Variants in SEPTIN9 observed in about 807,000 individuals in gnomAD.
SEPTIN9 encodes the protein septin-9.
In SEPTIN9, 13 loss-of-function variants were observed where a neutral mutation model predicts 56.6. The ratio of observed to expected loss-of-function variants is 0.23; its 90% confidence interval spans 0.15 to 0.37. The LOEUF (loss-of-function observed/expected upper bound fraction) is 0.37. SEPTIN9 is among the 10% of genes least tolerant of loss of function. SEPTIN9 has a pLI of 1.00. For missense variants in SEPTIN9, 650 were observed against 823.1 expected (o/e 0.79, Z 2.57); for synonymous variants, 332 against 334.1 (o/e 0.99, Z 0.07).
At chr17:77,482,462 A>G (rs758270985) in intron 4 of SEPTIN9, 127 bp downstream of exon 4, 54 of 954,260 alleles carry the variant, frequency 5.7e-5, no homozygotes, top group Non-Finnish European at 1.3e-5. Context: ...GACCTCAAGG[A>G]CGGATTGCCA....
intron 6 of SEPTIN9, 98 bp downstream of exon 6, chr17:77,488,419 G>A: frequency 8.8e-7 from 1 of 1,142,632 alleles, no homozygotes; most frequent in Non-Finnish European, 1.3e-6. Flanking sequence ...CCGCGGGGGT[G>A]CAGGGCCCAC....
chr17:77,418,075 C>T (rs1386914227), intron 3 of SEPTIN9, among the ~76,000 whole-genome samples: 4 of 152,332 alleles, frequency 2.6e-5, no homozygotes, highest in East Asian at 1.9e-4. Flanking sequence ...CAGAACCCAC[C>T]GACTCACACG....
chr17:77,347,448 T>A (rs2143787940), intron 2 of SEPTIN9, among the ~76,000 whole-genome samples: 1 of 152,228 alleles, frequency 6.6e-6, no homozygotes, highest in South Asian at 2.1e-4. Context: ...TTCTTTCAGG[T>A]TTTATATCAT....
rs1402738048 is a variant in SEPTIN9, at chr17:77,367,735, C to A, written c.77-34324C>A. Among the ~76,000 whole-genome samples, 1 of 151,936 alleles carries A rather than the reference C, an allele frequency of 6.6e-6. No homozygotes were observed. The highest frequency in any genetic ancestry group is 6.6e-5 in the Admixed American group (1 of 15,224). On this transcript the variant is annotated intron_variant, in intron 2 of 11. Transcript: ENST00000427177. The surrounding 1 kb of genome is among the most constrained non-coding windows in gnomAD (Gnocchi z 4.5). Reference sequence around the variant, plus strand: ...GGAGGCTGAGGCAGGAGAATTGCTCCGATCTGGGAGGCGGAGGTTGCAGTG... The same window carrying A: ...GGAGGCTGAGGCAGGAGAATTGCTCAGATCTGGGAGGCGGAGGTTGCAGTG...
In SEPTIN9 at chr17:77,389,062, C is replaced by T. The variant is rs1039325615; in HGVS notation, c.77-12997C>T. On this transcript the variant is annotated intron_variant, in intron 2 of 11. Coordinates refer to ENST00000427177, the MANE Select transcript of SEPTIN9 (RefSeq NM_001113491.2). The surrounding 1 kb of genome is among the most constrained non-coding windows in gnomAD (Gnocchi z 4.3). The stretch of plus-strand genomic sequence containing the variant: ...GCCTCAGAACAGACACTGACCAACA[C>T]GCTCCTCAGGGTCTCCAGGTCCGGG... Among the ~76,000 whole-genome samples, 2 of 152,086 alleles carry T rather than the reference C, an allele frequency of 1.3e-5. No individual in the cohort carries two copies. Among genetic ancestry groups the T allele is most frequent in the African/African-American group, 2.4e-5 (1 of 41,408 alleles).
At chr17:77,282,742 C>T (rs1715491) in intron 1 of SEPTIN9, among the ~76,000 whole-genome samples, 19,727 of 152,304 alleles carry the variant, frequency 0.13, 1,381 homozygotes, top group Middle Eastern at 0.17. Flanking sequence ...ACAGCTCTGT[C>T]AGGAGCGTGG....
Position 77,319,923 on chromosome 17 carries a change from C to T in SEPTIN9, c.76+12726C>T. 1 of 1,118,720 alleles carries T rather than the reference C, an allele frequency of 8.9e-7. No homozygotes were observed. Among genetic ancestry groups the T allele is most frequent in the Non-Finnish European group, 1.1e-6 (1 of 912,702 alleles). The allele number at this position is 1,118,720 out of a possible 1,614,324, so 69.3% of individuals were successfully genotyped here. A position where few individuals can be genotyped will look rare whatever the true frequency, so the allele number is the denominator to read the frequency against. On this transcript the variant is annotated intron_variant, in intron 2 of 11. Transcript: ENST00000427177. This position sits in a 1 kb window ranked among gnomAD's most constrained non-coding sequence, Gnocchi z 5.3. ...AGAGAGGAGGCTGCCGGAAGCCGCA[C>T]TCGGGACCTCTGCAGCCACCGACCA...
At chr17:77,339,357 C>T (rs969732890) in intron 2 of SEPTIN9, among the ~76,000 whole-genome samples, 1 of 152,214 alleles carries the variant, frequency 6.6e-6, no homozygotes, top group Admixed American at 6.5e-5. Flanking sequence ...TTTATCCCTT[C>T]TCCATGGGCT....
intron 2 of SEPTIN9, among the ~76,000 whole-genome samples, chr17:77,372,945 A>G (rs989249660): frequency 3.9e-5 from 6 of 152,164 alleles, no homozygotes; most frequent in Admixed American, 3.3e-4. Context: ...CTGCCCAAAT[A>G]CAGCCTCCTG....
intron 2 of SEPTIN9, among the ~76,000 whole-genome samples, chr17:77,381,617 G>T (rs74000223): frequency 0.015 from 2,336 of 152,322 alleles, 57 homozygotes; most frequent in African/African-American, 0.054. Context: ...TCTGCCTCTT[G>T]CCCCCCATTA....
chr17:77,452,987 C>T (rs1191986601), intron 3 of SEPTIN9, among the ~76,000 whole-genome samples: 1 of 151,538 alleles, frequency 6.6e-6, no homozygotes, highest in African/African-American at 2.4e-5. Flanking sequence ...ATGCTCGTCT[C>T]TGGAGACCTG....
Position 77,425,971 on chromosome 17 carries a change from G to C in SEPTIN9, c.721+23268G>C, listed in dbSNP as rs2036892645. ...GGGAGTGTGTGCGGCTGTGAGTTCA[G>C]GCCATGCCCTCAGACTGGAGGATAG... On this transcript the variant is annotated intron_variant, in intron 3 of 11. Coordinates refer to ENST00000427177, the MANE Select transcript of SEPTIN9 (RefSeq NM_001113491.2). The surrounding 1 kb of genome is among the most constrained non-coding windows in gnomAD (Gnocchi z 4.2). Among the ~76,000 whole-genome samples, 1 of 152,176 alleles carries C rather than the reference G, an allele frequency of 6.6e-6. No individual in the cohort carries two copies. The highest frequency in any genetic ancestry group is 1.5e-5 in the Non-Finnish European group (1 of 68,028).
At chr17:77,486,357 G>A (rs543905790) in intron 4 of SEPTIN9, among the ~76,000 whole-genome samples, 4 of 152,238 alleles carry the variant, frequency 2.6e-5, no homozygotes, top group African/African-American at 9.6e-5. Flanking sequence ...TCCTGCCTCA[G>A]CCTCCCAAAG....
Position 77,305,682 on chromosome 17 carries a change from G to A in SEPTIN9, c.20-1459G>A, listed in dbSNP as rs528623960. Among the ~76,000 whole-genome samples, 188 of 151,834 alleles carry A rather than the reference G, an allele frequency of 1.2e-3. 1 individual carries two copies. The highest frequency in any genetic ancestry group is 9.2e-3 in the Admixed American group (140 of 15,218). On this transcript the variant is annotated intron_variant, in intron 1 of 11. Transcript: ENST00000427177. ...GGTACCCTGTCAATACTAGTTCCGCGAAGGATACACTGTGCTCATTCTGCT... is the reference window on the plus strand; with the variant it reads ...GGTACCCTGTCAATACTAGTTCCGCAAAGGATACACTGTGCTCATTCTGCT...
chr17:77,321,775 G>A (rs995854828), intron 2 of SEPTIN9, among the ~76,000 whole-genome samples: 8 of 152,234 alleles, frequency 5.3e-5, no homozygotes, highest in Non-Finnish European at 8.8e-5. Flanking sequence ...CACAGCAGGC[G>A]GACCTCAGGA....
Position 77,451,460 on chromosome 17 carries a change from G to A in SEPTIN9, c.722-30684G>A. On this transcript the variant is annotated intron_variant, in intron 3 of 11. Coordinates refer to ENST00000427177, the MANE Select transcript of SEPTIN9 (RefSeq NM_001113491.2). This position sits in a 1 kb window ranked among gnomAD's most constrained non-coding sequence, Gnocchi z 4.2. ...CCTTTGATCCTCTGCTCGGCTCTGA[G>A]CCATGTGACCCGGTGGGCGGGCCGC... 2 of 985,960 alleles carry A rather than the reference G, an allele frequency of 2.0e-6. No individual in the cohort carries two copies. Among genetic ancestry groups the A allele is most frequent in the Non-Finnish European group, 2.4e-6 (2 of 830,362 alleles). 61.1% of individuals were successfully genotyped at this position (985,960 alleles called of 1,614,324 possible).
At chr17:77,315,906 T>C (rs911535844) in intron 2 of SEPTIN9, among the ~76,000 whole-genome samples, 1 of 152,128 alleles carries the variant, frequency 6.6e-6, no homozygotes, top group African/African-American at 2.4e-5. Flanking sequence ...CAGTGCCCAC[T>C]CCAGGGTGTG....
chr17:77,338,484 T>G (rs2143744267), intron 2 of SEPTIN9, among the ~76,000 whole-genome samples: 1 of 152,268 alleles, frequency 6.6e-6, no homozygotes, highest in East Asian at 1.9e-4. Context: ...AGTGGCACGA[T>G]TTCAGCTCAC....
chr17:77,440,760 C>T (rs567205592), intron 3 of SEPTIN9, among the ~76,000 whole-genome samples: 18 of 152,334 alleles, frequency 1.2e-4, no homozygotes, highest in African/African-American at 3.6e-4. Context: ...TCGCTGAGCC[C>T]TTTCCCCTTT....
Sources: gnomAD v4.1 joint callset for allele counts (sites outside exome capture counted in the v4.1 genomes callset) on GRCh38, gnomAD v4.1.1 for gene constraint, Gnocchi (gnomAD v3.1) non-coding constraint, MANE v1.5 for transcripts, NCBI Gene and HGNC (gene_info 2026-07-23, HGNC 2026-07-21) for gene names.